RPAP2: variants seen among roughly 807,000 people sequenced by gnomAD.
RPAP2 encodes the protein putative RNA polymerase II subunit B1 CTD phosphatase RPAP2.
Under a neutral mutation model 73.1 loss-of-function variants are expected in RPAP2, and 52 were observed. That is an observed-to-expected ratio of 0.71 (90% CI 0.57 to 0.90). RPAP2 has a LOEUF of 0.90. Ranked by LOEUF, RPAP2 falls within the 40% of genes least tolerant of loss-of-function variation. The probability of loss-of-function intolerance (pLI) is 0.00; values close to 1 mark genes in which losing one functional copy is unlikely to be tolerated. For synonymous variants in RPAP2, 225 were observed against 242.1 expected (o/e 0.93, Z 0.65); for missense variants, 598 against 701.8 (o/e 0.85, Z 1.67).
At chr1:92,316,491 T>C (rs1651912806) in intron 6 of RPAP2, among the ~76,000 whole-genome samples, 1 of 152,230 alleles carries the variant, frequency 6.6e-6, no homozygotes, top group Non-Finnish European at 1.5e-5. Flanking sequence ...ATCCACTAAG[T>C]TCTTTGGCAT....
chr1:92,338,318 A>ATTGGCC (rs1208920020), intron 10 of RPAP2, among the ~76,000 whole-genome samples: 1 of 152,238 alleles, frequency 6.6e-6, no homozygotes, highest in East Asian at 1.9e-4. Flanking sequence ...CAATCCTCAG[A>ATTGGCC]TTGGCCTTGG....
In RPAP2 at chr1:92,391,923, G is replaced by C. The variant is rs1198061075; in HGVS notation, c.*4912G>C. ...ACCAACCAAAAAAAGTCCAGGACCA[G>C]ACGGATTCACAGCCAAATTCTACGA... On this transcript the variant is annotated 3_prime_UTR_variant, in exon 13 of 13. Coordinates refer to ENST00000610020, the MANE Select transcript of RPAP2 (RefSeq NM_024813.3). 6.6e-6 allele frequency: 1 copy of C among 152,212 alleles called. No homozygotes were observed. The highest frequency in any genetic ancestry group is 6.5e-5 in the Admixed American group (1 of 15,272). The allele number at this position is 152,212 out of a possible 1,614,324, so 9.4% of individuals were successfully genotyped here.
chr1:92,299,715 A>G (rs1340895449), intron 1 of RPAP2, among the ~76,000 whole-genome samples: 2 of 152,212 alleles, frequency 1.3e-5, no homozygotes, highest in Non-Finnish European at 2.9e-5. Flanking sequence ...CAATTTGCAA[A>G]AACAAATTGC....
At chr1:92,330,804 A>C (rs920844080) in intron 8 of RPAP2, among the ~76,000 whole-genome samples, 2 of 152,174 alleles carry the variant, frequency 1.3e-5, no homozygotes, top group Non-Finnish European at 2.9e-5. Flanking sequence ...TCAGAAACAC[A>C]CAAAGATAGA....
chr1:92,327,162 A>G (rs1386790652), intron 8 of RPAP2, among the ~76,000 whole-genome samples: 1 of 152,238 alleles, frequency 6.6e-6, no homozygotes, highest in Non-Finnish European at 1.5e-5. Context: ...CTCAGACCAC[A>G]GTGGAATTTT....
rs547461647 is a variant in RPAP2, at chr1:92,378,755, C to G, written c.1689-1969C>G. Among the ~76,000 whole-genome samples, 10 of 152,216 alleles carry G rather than the reference C, an allele frequency of 6.6e-5. No individual in the cohort carries two copies. The South Asian group carries it at 2.1e-3, about 32-fold the overall frequency. On this transcript the variant is annotated intron_variant, in intron 11 of 12. Transcript: ENST00000610020. ...AAAATGCCTCAGAAAAAAAGCTGGC[C>G]ACAACTCTAGGTTTACCTCTATACC...
rs373613454 is a variant in RPAP2 at position 92,361,142 on chromosome 1, AAC to A, written c.1688+15243_1688+15244del. Among the ~76,000 whole-genome samples the A allele has an allele frequency of 2.9e-4, 43 of 149,226 alleles. 1 individual carries two copies. Among genetic ancestry groups the A allele is most frequent in the African/African-American group, 7.4e-4 (30 of 40,782 alleles). On this transcript the variant is annotated intron_variant, in intron 11 of 12. Coordinates refer to ENST00000610020, the MANE Select transcript of RPAP2 (RefSeq NM_024813.3). ...ATATATATATATATACACACACATAAACACACACACACACACGTAAGTTTCTA... is the reference window on the plus strand; with the variant it reads ...ATATATATATATATACACACACATAAACACACACACACACGTAAGTTTCTA...
At chr1:92,362,201 G>A (rs1018582035) in intron 11 of RPAP2, among the ~76,000 whole-genome samples, 2 of 152,134 alleles carry the variant, frequency 1.3e-5, no homozygotes, top group Admixed American at 6.6e-5. Flanking sequence ...CCTGATCACC[G>A]AGTGTGTTTT....
intron 6 of RPAP2, among the ~76,000 whole-genome samples, chr1:92,320,200 A>G (rs1652166015): frequency 6.6e-6 from 1 of 152,116 alleles, no homozygotes; most frequent in South Asian, 2.1e-4. Context: ...CTGAAAAGTG[A>G]GTATAGTTTG....
At chr1:92,333,337 A>G in intron 8 of RPAP2, 54 bp from the exon 9 acceptor site, 1 of 1,401,592 alleles carries the variant, frequency 7.1e-7, no homozygotes, top group African/African-American at 1.4e-5. Flanking sequence ...TGCTTATCAA[A>G]GAAAGAATGT....
intron 6 of RPAP2, among the ~76,000 whole-genome samples, chr1:92,317,328 G>A (rs1342742253): frequency 6.6e-6 from 1 of 152,076 alleles, no homozygotes; most frequent in Non-Finnish European, 1.5e-5. Flanking sequence ...CCAACATGGT[G>A]AAACCCCATC....
At chr1:92,381,847 GC>G (rs1460491364) in intron 12 of RPAP2, among the ~76,000 whole-genome samples, 7 of 151,822 alleles carry the variant, frequency 4.6e-5, no homozygotes, top group African/African-American at 1.7e-4. Context: ...GTATACATGT[GC>G]CATGTTGGTG....
Position 92,401,810 on chromosome 1 carries a change from CCTT to C in RPAP2, c.*14800_*14802del, listed in dbSNP as rs1487037324. On this transcript the variant is annotated 3_prime_UTR_variant, in exon 13 of 13. Coordinates refer to ENST00000610020, the MANE Select transcript of RPAP2 (RefSeq NM_024813.3). Reference sequence around the variant, plus strand: ...TGGAGATGATCCAAGTTTTTTTCCTCCTTATTTCTGCTAAGGTTGTATAATTAT... The same window carrying C: ...TGGAGATGATCCAAGTTTTTTTCCTCATTTCTGCTAAGGTTGTATAATTAT... The C allele has an allele frequency of 4.6e-5, 7 of 152,084 alleles. No homozygotes were observed. Among genetic ancestry groups the C allele is most frequent in the African/African-American group, 1.4e-4 (6 of 41,412 alleles). The allele number at this position is 152,084 out of a possible 1,614,324, so 9.4% of individuals were successfully genotyped here.
chr1:92,347,914 T>C (rs1314465653), intron 11 of RPAP2, among the ~76,000 whole-genome samples: 1 of 150,802 alleles, frequency 6.6e-6, no homozygotes, highest in Non-Finnish European at 1.5e-5. Flanking sequence ...CAATCAATCT[T>C]TTTTTTTTTC....
At position 92,358,754 on chromosome 1, in the gene RPAP2, T is replaced by TA. The variant is rs202234752; in HGVS notation, c.1688+12851dup. On this transcript the variant is annotated intron_variant, in intron 11 of 12. Coordinates refer to ENST00000610020, the MANE Select transcript of RPAP2 (RefSeq NM_024813.3). ...AGGCATGCACCATCCTGCTCAGCTT[T>TA]AAAAAAAAAAATTGTAGAGATAGGG... Among the ~76,000 whole-genome samples the TA allele has an allele frequency of 9.1e-3, 1,351 of 148,308 alleles. 20 individuals are homozygous for TA. Among genetic ancestry groups the TA allele is most frequent in the African/African-American group, 0.029 (1,197 of 40,708 alleles).
intron 12 of RPAP2, among the ~76,000 whole-genome samples, chr1:92,386,594 T>A (rs1254379231): frequency 6.6e-6 from 1 of 152,226 alleles, no homozygotes; most frequent in Non-Finnish European, 1.5e-5. Context: ...ACCCAAACTG[T>A]TGTTGGGTAG....
At position 92,324,236 on chromosome 1, in the gene RPAP2, C is replaced by T; in HGVS notation, c.1316C>T (p.Ser439Leu). The T allele has an allele frequency of 6.2e-7, 1 of 1,613,916 alleles. No homozygotes were observed. The highest frequency in any genetic ancestry group is 8.5e-7 in the Non-Finnish European group (1 of 1,179,924). Residue 439 changes from serine (S) to leucine (L), a missense_variant, in exon 8 of 13, where the codon TCA (serine) becomes TTA (leucine). Physicochemically the swap from Ser to Leu is moderately radical, Grantham distance 145 (BLOSUM62 -2). Around this residue, in one of 3 missense-constraint regions of RPAP2, gnomAD observed 506 missense variants for 612.8 expected, o/e 0.83. Coordinates refer to ENST00000610020, the MANE Select transcript of RPAP2 (RefSeq NM_024813.3). ...SLDESLPFRGSGTAIKPLPSY... is the reference protein window; with the variant it reads ...SLDESLPFRGLGTAIKPLPSY... ...GATGAGTCTTTACCTTTTAGGGGCTCAGGTACAGCCATTAAACCACTGCCA... is the reference window on the plus strand; with the variant it reads ...GATGAGTCTTTACCTTTTAGGGGCTTAGGTACAGCCATTAAACCACTGCCA...
intron 12 of RPAP2, among the ~76,000 whole-genome samples, chr1:92,383,380 A>G (rs1171334733): frequency 2.0e-5 from 3 of 152,206 alleles, no homozygotes; most frequent in Admixed American, 6.5e-5. Flanking sequence ...TTTTCACGAC[A>G]TTGATTCTTC....
intron 11 of RPAP2, among the ~76,000 whole-genome samples, chr1:92,373,423 A>G (rs1362703843): frequency 6.6e-6 from 1 of 152,198 alleles, no homozygotes; most frequent in African/African-American, 2.4e-5. Flanking sequence ...AGTTTTGGTT[A>G]CTAAGCATCC....
Sources: gnomAD v4.1 joint callset for allele counts (sites outside exome capture counted in the v4.1 genomes callset) on GRCh38, gnomAD v4.1.1 for gene constraint, gnomAD v4.1.1 regional missense constraint, MANE v1.5 for transcripts, NCBI Gene and HGNC (gene_info 2026-07-23, HGNC 2026-07-21) for gene names.